Variants in DENND3 observed in about 807,000 individuals in gnomAD.
The protein encoded by DENND3 is DENN domain-containing protein 3.
DENND3 carries 88 observed loss-of-function variants against 135.1 expected under a neutral mutation model. The ratio of observed to expected loss-of-function variants is 0.65; its 90% confidence interval spans 0.55 to 0.78. The LOEUF (loss-of-function observed/expected upper bound fraction) is 0.78. DENND3 is among the 30% of genes least tolerant of loss of function. DENND3 has a pLI of 0.00. For missense variants in DENND3, 1,392 were observed against 1,688.4 expected (o/e 0.82, Z 3.08); for synonymous variants, 693 against 712.3 (o/e 0.97, Z 0.43).
At chr8:141,192,471 G>A (rs779634338) in intron 21 of DENND3, 22 bp downstream of exon 21, 96 of 1,613,728 alleles carry the variant, frequency 5.9e-5, no homozygotes, top group Non-Finnish European at 7.7e-5. Context: ...GGGGCTGTGG[G>A]CCCAGCATGT....
chr8:141,163,456 C>CTG (rs762889067), intron 10 of DENND3, 27 bp downstream of exon 10: 2 of 1,421,290 alleles, frequency 1.4e-6, no homozygotes, highest in East Asian at 4.6e-5. Flanking sequence ...TTGGGTGTGC[C>CTG]TGTGTGTGTT....
chr8:141,161,628 C>T (rs7011412), intron 9 of DENND3, among the ~76,000 whole-genome samples: 38,112 of 152,094 alleles, frequency 0.25, 5,407 homozygotes, highest in South Asian at 0.43. Context: ...TGGCAGTGTT[C>T]TTCCTCTCCT....
chr8:141,153,603 C>T (rs538578875), intron 7 of DENND3, among the ~76,000 whole-genome samples: 538 of 152,256 alleles, frequency 3.5e-3, no homozygotes, highest in Non-Finnish European at 5.7e-3. Flanking sequence ...GTCCCCGCTG[C>T]GGGGGAGAAC....
chr8:141,194,098 C>T lies in DENND3; in HGVS notation c.3702C>T (p.Ala1234=), dbSNP rs750244823. Residue 1234 remains alanine, a synonymous_variant, in exon 23 of 23, where the codon GCC becomes GCT. Coordinates refer to ENST00000519811, the MANE Select transcript of DENND3 (RefSeq NM_001352890.3). ...TPKGKIYVID[A]ERKTVEKELV... ...AGGGGAAAATCTACGTGATTGACGC[C>T]GAGAGGAAGACCGTGGAGAAGGAGC... 23 of 1,613,774 alleles carry T rather than the reference C, an allele frequency of 1.4e-5. No individual in the cohort carries two copies. The highest frequency in any genetic ancestry group is 6.7e-5 in the African/African-American group (5 of 74,912).
chr8:141,134,451 A>G (rs946077494), intron 1 of DENND3, among the ~76,000 whole-genome samples: 25 of 151,712 alleles, frequency 1.6e-4, no homozygotes, highest in Middle Eastern at 6.8e-3. Context: ...GCCCGCCACC[A>G]TGCCCGGCTA....
In DENND3 at chr8:141,175,321, C is replaced by T. The variant is rs761923637; in HGVS notation, c.2397C>T (p.Asn799=). 8.7e-6 allele frequency: 14 copies of T among 1,614,018 alleles called. No individual in the cohort carries two copies. The highest frequency in any genetic ancestry group is 3.3e-5 in the South Asian group (3 of 91,092). Residue 799 remains asparagine (N), a synonymous_variant, in exon 14 of 23, where the codon AAC becomes AAT. Coordinates refer to ENST00000519811, the MANE Select transcript of DENND3 (RefSeq NM_001352890.3). The surrounding 1 kb of genome is among the most constrained non-coding windows in gnomAD (Gnocchi z 5.4). Reference sequence around the variant, plus strand: ...TGGTGATGGAACACCTGGATAAAAACGAGTGTGTGTGTAAGTTGTCCAGCT... The same window carrying T: ...TGGTGATGGAACACCTGGATAAAAATGAGTGTGTGTGTAAGTTGTCCAGCT... ...PWLVMEHLDK[N]ECVCKLSSSV...
At chr8:141,153,215 T>C (rs992902389) in intron 7 of DENND3, among the ~76,000 whole-genome samples, 1 of 150,692 alleles carries the variant, frequency 6.6e-6, no homozygotes, top group African/African-American at 2.5e-5. Flanking sequence ...TGTCTCAGCC[T>C]CCCGAGTAGC....
At position 141,169,719 on chromosome 8, in the gene DENND3, G is replaced by A. The variant is rs148230158; in HGVS notation, c.2275+1194G>A. On this transcript the variant is annotated intron_variant, in intron 13 of 22. Transcript: ENST00000519811. ...GCACCTGACGCGGTACCTAGTGGTC[G>A]TGAGTTTAAACACAAAAATGGGAGA... Among the ~76,000 whole-genome samples the A allele has an allele frequency of 6.2e-3, 945 of 152,324 alleles. 4 individuals are homozygous for A. The highest frequency in any genetic ancestry group is 0.01 in the Non-Finnish European group (685 of 68,030).
At chr8:141,159,399 A>G (rs1819854039) in intron 8 of DENND3, among the ~76,000 whole-genome samples, 1 of 152,128 alleles carries the variant, frequency 6.6e-6, no homozygotes, top group Non-Finnish European at 1.5e-5. Flanking sequence ...TGGGTCCATC[A>G]AGTCCCCCGT....
In DENND3 at chr8:141,167,015, G is replaced by A. The variant is rs1392824507; in HGVS notation, c.1753+626G>A. Among the ~76,000 whole-genome samples, 1 of 152,194 alleles carries A rather than the reference G, an allele frequency of 6.6e-6. No homozygotes were observed. The highest frequency in any genetic ancestry group is 1.5e-5 in the Non-Finnish European group (1 of 68,020). On this transcript the variant is annotated intron_variant, in intron 12 of 22. Coordinates refer to ENST00000519811, the MANE Select transcript of DENND3 (RefSeq NM_001352890.3). The surrounding 1 kb of genome is among the most constrained non-coding windows in gnomAD (Gnocchi z 4.1). ...ACCTGCTGCTGCTGTCTCGGGCCCAGGCAGCAAGTACCATGTGGCTCCTCC... is the reference window on the plus strand; with the variant it reads ...ACCTGCTGCTGCTGTCTCGGGCCCAAGCAGCAAGTACCATGTGGCTCCTCC...
intron 6 of DENND3, 147 bp downstream of exon 6, chr8:141,151,100 C>T: frequency 1.6e-6 from 2 of 1,260,260 alleles, no homozygotes; most frequent in Non-Finnish European, 2.0e-6. Context: ...TTTTTAAAGC[C>T]AATGTTCCCT....
rs751390118 is a variant in DENND3, at chr8:141,175,435, G to C, written c.2511G>C (p.Glu837Asp). ...CCGAAGGAAGGCCAGGCTACTTGGA[G>C]ATTTCCACCTTCAGAAATATAGAGG... ...LLTEGRPGYLEISTFRNIEEV... is the reference protein window; with the variant it reads ...LLTEGRPGYLDISTFRNIEEV... Residue 837 changes from glutamate to aspartate, a missense_variant, in exon 14 of 23, where the codon GAG becomes GAC. Physicochemically the swap from Glu to Asp is conservative, Grantham distance 45. Coordinates refer to ENST00000519811, the MANE Select transcript of DENND3 (RefSeq NM_001352890.3). The surrounding 1 kb of genome is among the most constrained non-coding windows in gnomAD (Gnocchi z 5.4). 15 of 1,614,094 alleles carry C rather than the reference G, an allele frequency of 9.3e-6. No homozygotes were observed. The Admixed American group carries it at 1.5e-4, about 16-fold the overall frequency.
Position 141,154,220 on chromosome 8 carries a change from A to AGGAACCTT in DENND3, c.1075-1622_1075-1621insTGGAACCT, listed in dbSNP as rs1819161832. Reference sequence around the variant, plus strand: ...GAGCCGGGGAGTCGGGGCCTTCCCCAGGAACCTGGCATTGCATTCCGGGGC... The same window carrying AGGAACCTT: ...GAGCCGGGGAGTCGGGGCCTTCCCCAGGAACCTTGGAACCTGGCATTGCATTCCGGGGC... On this transcript the variant is annotated intron_variant, in intron 7 of 22. Coordinates refer to ENST00000519811, the MANE Select transcript of DENND3 (RefSeq NM_001352890.3). This position sits in a 1 kb window ranked among gnomAD's most constrained non-coding sequence, Gnocchi z 4.4. Among the ~76,000 whole-genome samples the AGGAACCTT allele has an allele frequency of 6.6e-6, 1 of 152,276 alleles. No homozygotes were observed.
chr8:141,168,601 G>A lies in DENND3; in HGVS notation c.2275+76G>A. On this transcript the variant is annotated intron_variant, in intron 13 of 22. Coordinates refer to ENST00000519811, the MANE Select transcript of DENND3 (RefSeq NM_001352890.3). The surrounding 1 kb of genome is among the most constrained non-coding windows in gnomAD (Gnocchi z 6.2). ...CTGGCTCTGTCGCCCAGGCTGGAGTGGACTGGCAATCACAGCTCACTGCAA... is the reference window on the plus strand; with the variant it reads ...CTGGCTCTGTCGCCCAGGCTGGAGTAGACTGGCAATCACAGCTCACTGCAA... 6.7e-7 allele frequency: 1 copy of A among 1,499,972 alleles called. No homozygotes were observed. Among genetic ancestry groups the A allele is most frequent in the Non-Finnish European group, 8.9e-7 (1 of 1,121,152 alleles). The allele number at this position is 1,499,972 out of a possible 1,614,324, so 92.9% of individuals were successfully genotyped here.
At chr8:141,192,768 G>A in intron 22 of DENND3, 105 bp downstream of exon 22, 1 of 1,603,508 alleles carries the variant, frequency 6.2e-7, no homozygotes. Flanking sequence ...GTGCCCTCCT[G>A]CCTTCGCCTC....
chr8:141,170,588 A>G (rs1162261361), intron 13 of DENND3, among the ~76,000 whole-genome samples: 1 of 152,196 alleles, frequency 6.6e-6, no homozygotes, highest in East Asian at 1.9e-4. Flanking sequence ...GGGTGAGCTC[A>G]GATGCTCTGT....
chr8:141,187,380 A>C (rs1385800440), intron 18 of DENND3, among the ~76,000 whole-genome samples: 7 of 151,754 alleles, frequency 4.6e-5, no homozygotes, highest in Non-Finnish European at 7.4e-5. Context: ...GCGCACCACC[A>C]CACCCGGCTA....
chr8:141,163,264 A>G, intron 9 of DENND3, 69 bp from the exon 10 acceptor site: 1 of 858,776 alleles, frequency 1.2e-6, no homozygotes, highest in Non-Finnish European at 1.8e-6. Context: ...TTTCTCTGCT[A>G]CTAAAAGTGG....
chr8:141,182,324 A>G lies in DENND3; in HGVS notation c.2944+1470A>G, dbSNP rs890536742. The G allele has an allele frequency of 1.0e-4, 102 of 985,236 alleles. No individual in the cohort carries two copies. Among genetic ancestry groups the G allele is most frequent in the Non-Finnish European group, 1.2e-4 (100 of 829,940 alleles). The allele number at this position is 985,236 out of a possible 1,614,324, so 61.0% of individuals were successfully genotyped here. On this transcript the variant is annotated intron_variant, in intron 17 of 22. Coordinates refer to ENST00000519811, the MANE Select transcript of DENND3 (RefSeq NM_001352890.3). This position sits in a 1 kb window ranked among gnomAD's most constrained non-coding sequence, Gnocchi z 5.9. ...AGTTTTTCTCTCTTCATGGCAGGCC[A>G]AGAAACCCAGGAACGCGATAGACCC...
Sources: allele counts gnomAD v4.1 joint callset (sites outside exome capture counted in the v4.1 genomes callset), GRCh38; gene constraint gnomAD v4.1.1; non-coding constraint Gnocchi (gnomAD v3.1); transcripts MANE v1.5; gene names NCBI Gene and HGNC (gene_info 2026-07-23, HGNC 2026-07-21).